GGACT: variants seen among roughly 807,000 people sequenced by gnomAD.
The protein encoded by GGACT is gamma-glutamylaminecyclotransferase.
For synonymous variants in GGACT, 118 were observed against 115.3 expected, an observed-to-expected ratio of 1.02 and a Z score of -0.15; for missense variants, 241 against 233.2, an observed-to-expected ratio of 1.03 and a Z score of -0.22.
intron 2 of GGACT, among the ~76,000 whole-genome samples, chr13:100,569,349 A>T (rs1875009763): frequency 6.6e-6 from 1 of 152,254 alleles, no homozygotes; most frequent in Non-Finnish European, 1.5e-5. Flanking sequence ...CCCAAACCTC[A>T]ATTCTTGACC....
At chr13:100,562,216 T>G (rs554097509) in intron 2 of GGACT, among the ~76,000 whole-genome samples, 1 of 152,290 alleles carries the variant, frequency 6.6e-6, no homozygotes, top group South Asian at 2.1e-4. Flanking sequence ...CCACTGCCTG[T>G]GTGGACCCCG....
At chr13:100,577,695 C>G (rs1257571639) in intron 2 of GGACT, among the ~76,000 whole-genome samples, 1 of 151,968 alleles carries the variant, frequency 6.6e-6, no homozygotes, top group Non-Finnish European at 1.5e-5. Flanking sequence ...GTGCAGTGAT[C>G]TCTGATCCCG....
At chr13:100,550,460 C>G (rs2088652481) in intron 2 of GGACT, among the ~76,000 whole-genome samples, 1 of 144,866 alleles carries the variant, frequency 6.9e-6, no homozygotes, top group South Asian at 2.2e-4. Flanking sequence ...ACACACACAC[C>G]ACTTTTAAAA....
At position 100,550,027 on chromosome 13, in the gene GGACT, G is replaced by A. The variant is rs532226110; in HGVS notation, c.-10-17426C>T. On this transcript the variant is annotated intron_variant, in intron 2 of 2. Coordinates refer to ENST00000683975, the MANE Select transcript of GGACT (RefSeq NM_001195087.2). ...AAATTCAATTAAAATGGCTGAGAGC[G>A]AAGTTAAGACTCAACTACAAGGAAG... Among the ~76,000 whole-genome samples, 33 of 152,228 alleles carry A rather than the reference G, an allele frequency of 2.2e-4. No homozygotes were observed. The East Asian group carries it at 5.2e-3, about 24-fold the overall frequency.
In GGACT at chr13:100,531,005, T is replaced by G. The variant is rs1192162442; in HGVS notation, c.*1125A>C. On this transcript the variant is annotated 3_prime_UTR_variant, in exon 3 of 3. Coordinates refer to ENST00000683975, the MANE Select transcript of GGACT (RefSeq NM_001195087.2). ...AAAGAAGCTAAAAATAATGATCATGTTTTTGTGCCAGATGCAGTTAGCGAT... is the reference window on the plus strand; with the variant it reads ...AAAGAAGCTAAAAATAATGATCATGGTTTTGTGCCAGATGCAGTTAGCGAT... The G allele has an allele frequency of 6.6e-6, 1 of 152,258 alleles. No homozygotes were observed. The highest frequency in any genetic ancestry group is 1.9e-4 in the East Asian group (1 of 5,204). 9.4% of individuals were successfully genotyped at this position (152,258 alleles called of 1,614,324 possible).
chr13:100,532,554 C>T lies in GGACT; in HGVS notation c.38G>A (p.Gly13Asp), dbSNP rs1001621738. The change falls in exon 3 of 3, where the codon GGT (glycine) becomes GAT (aspartate). Residue 13 changes from glycine (G) to aspartate (D), a missense_variant. Transcript: ENST00000683975. ...CCGCAGGACCCTGTGGTTGGGCTGACCCCGCTTCAGGGTGCCGTACACGAA... is the reference window on the plus strand; with the variant it reads ...CCGCAGGACCCTGTGGTTGGGCTGATCCCGCTTCAGGGTGCCGTACACGAA... ...LVFVYGTLKR[G>D]QPNHRVLRDG... 1 of 1,547,150 alleles carries T rather than the reference C, an allele frequency of 6.5e-7. No homozygotes were observed. The highest frequency in any genetic ancestry group is 8.7e-7 in the Non-Finnish European group (1 of 1,145,050).
At chr13:100,536,311 T>C (rs960591628) in intron 2 of GGACT, 2 of 152,162 alleles carry the variant, frequency 1.3e-5, no homozygotes, top group Non-Finnish European at 2.9e-5. Context: ...GGGCATTTTC[T>C]TACCCCTCCT....
intron 1 of GGACT, among the ~76,000 whole-genome samples, chr13:100,584,244 A>T (rs1875500444): frequency 6.6e-6 from 1 of 152,228 alleles, no homozygotes; most frequent in African/African-American, 2.4e-5. Context: ...CAAAGTTCTC[A>T]AGACCTCCTT....
chr13:100,544,176 G>A (rs541949181), intron 2 of GGACT, among the ~76,000 whole-genome samples: 4 of 152,250 alleles, frequency 2.6e-5, no homozygotes, highest in African/African-American at 9.6e-5. Context: ...CTCCCCCACT[G>A]TAACATTATT....
chr13:100,570,981 G>A (rs1400953846), intron 2 of GGACT, among the ~76,000 whole-genome samples: 2 of 151,820 alleles, frequency 1.3e-5, no homozygotes, highest in Admixed American at 6.6e-5. Context: ...CCAAGAAAAC[G>A]ACCCCCTATG....
chr13:100,552,461 T>TGAA (rs2088673587), intron 2 of GGACT, among the ~76,000 whole-genome samples: 1 of 152,306 alleles, frequency 6.6e-6, no homozygotes, highest in South Asian at 2.1e-4. Flanking sequence ...AAGAAGAGAC[T>TGAA]GAAGCTCTAG....
rs542695524 is a variant in GGACT at position 100,561,123 on chromosome 13, C to A, written c.-11+22702G>T. On this transcript the variant is annotated intron_variant, in intron 2 of 2. Coordinates refer to ENST00000683975, the MANE Select transcript of GGACT (RefSeq NM_001195087.2). Reference sequence around the variant, plus strand: ...TAAGTCTCATCAAGCAGCAATACCCCCGCCCCGGGCATTTTAACCTCTCCA... The same window carrying A: ...TAAGTCTCATCAAGCAGCAATACCCACGCCCCGGGCATTTTAACCTCTCCA... Among the ~76,000 whole-genome samples, 5 of 152,306 alleles carry A rather than the reference C, an allele frequency of 3.3e-5. No homozygotes were observed. In the East Asian group the frequency reaches 9.7e-4, roughly 29 times the overall value.
At chr13:100,540,053 T>TG in intron 2 of GGACT, 4 of 1,295,868 alleles carry the variant, frequency 3.1e-6, no homozygotes, top group Non-Finnish European at 4.4e-6. Flanking sequence ...ACATACAGCT[T>TG]GGGAAGCACA....
chr13:100,555,935 A>C (rs2088704650), intron 2 of GGACT, among the ~76,000 whole-genome samples: 1 of 152,328 alleles, frequency 6.6e-6, no homozygotes, highest in African/African-American at 2.4e-5. Flanking sequence ...AAATTCAGCA[A>C]ATTTGAGATA....
At chr13:100,564,574 C>G (rs2088793945) in intron 2 of GGACT, among the ~76,000 whole-genome samples, 1 of 152,150 alleles carries the variant, frequency 6.6e-6, no homozygotes, top group African/African-American at 2.4e-5. Context: ...AAGTTTAGTA[C>G]ACATTCACCC....
At position 100,540,131 on chromosome 13, in the gene GGACT, C is replaced by T. The variant is rs1337244335; in HGVS notation, c.-10-7530G>A. On this transcript the variant is annotated intron_variant, in intron 2 of 2. Coordinates refer to ENST00000683975, the MANE Select transcript of GGACT (RefSeq NM_001195087.2). ...GCGGCCTCCACTATGTTTCGAATGA[C>T]GAATTTCTTAATGGCGTTGTCCTTG... 2.1e-5 allele frequency: 33 copies of T among 1,589,990 alleles called. No homozygotes were observed. In the South Asian group the frequency reaches 2.3e-4, roughly 11 times the overall value.
At chr13:100,587,443 A>G (rs1347120630) in intron 1 of GGACT, among the ~76,000 whole-genome samples, 1 of 152,228 alleles carries the variant, frequency 6.6e-6, no homozygotes, top group African/African-American at 2.4e-5. Flanking sequence ...CTTTTACAAT[A>G]CGAATCTCTG....
chr13:100,560,206 C>T (rs556363426), intron 2 of GGACT, among the ~76,000 whole-genome samples: 2 of 152,068 alleles, frequency 1.3e-5, no homozygotes, highest in African/African-American at 2.4e-5. Flanking sequence ...TATCAAGATT[C>T]GTTGACCCTT....
intron 2 of GGACT, among the ~76,000 whole-genome samples, chr13:100,551,339 A>T (rs1234758798): frequency 6.6e-6 from 1 of 152,090 alleles, no homozygotes; most frequent in Non-Finnish European, 1.5e-5. Context: ...AAAACCAAGG[A>T]TGTTCTCCTC....
Sources: gnomAD v4.1 joint callset for allele counts (sites outside exome capture counted in the v4.1 genomes callset) on GRCh38, gnomAD v4.1.1 for gene constraint, MANE v1.5 for transcripts, NCBI Gene and HGNC (gene_info 2026-07-23, HGNC 2026-07-21) for gene names.